The following EPS8 variants were observed in gnomAD, a reference collection of about 807,000 sequenced individuals.
The protein encoded by EPS8 is epidermal growth factor receptor kinase substrate 8.
In EPS8, 42 loss-of-function variants were observed where a neutral mutation model predicts 103.8. The ratio of observed to expected loss-of-function variants is 0.40; its 90% CI spans 0.32 to 0.52. The LOEUF is 0.52. Ranked by LOEUF, EPS8 falls within the 20% of genes least tolerant of loss-of-function variation. The pLI is 0.40. For synonymous variants in EPS8, 344 were observed against 344.6 expected, an observed-to-expected ratio of 1.00 and a Z score of 0.02; for missense variants, 969 against 1,005.1, an observed-to-expected ratio of 0.96 and a Z score of 0.49.
intron 12 of EPS8, among the ~76,000 whole-genome samples, chr12:15,655,534 A>T (rs1207165121): frequency 6.6e-6 from 1 of 152,240 alleles, no homozygotes; most frequent in African/African-American, 2.4e-5. Flanking sequence ...GAGGAAAGCT[A>T]ACTCTTATTT....
In EPS8 at chr12:15,731,368, G is replaced by A. The variant is rs1328238412; in HGVS notation, c.-21-48396C>T. ...GGCTGAAGTGCAATGGCACAATCTC[G>A]GCTCACTGCAACCTCAGCTTCCCAG... On this transcript the variant is annotated intron_variant, in intron 1 of 20. Coordinates refer to ENST00000281172, the MANE Select transcript of EPS8 (RefSeq NM_004447.6). The surrounding 1 kb of genome is among the most constrained non-coding windows in gnomAD (Gnocchi z 5.1). Among the ~76,000 whole-genome samples the A allele has an allele frequency of 6.6e-6, 1 of 151,812 alleles. No individual in the cohort carries two copies. Among genetic ancestry groups the A allele is most frequent in the Non-Finnish European group, 1.5e-5 (1 of 67,998 alleles).
intron 16 of EPS8, 121 bp from the exon 17 acceptor site, chr12:15,640,967 AG>A: frequency 5.3e-6 from 4 of 753,784 alleles, no homozygotes; most frequent in Non-Finnish European, 8.7e-6. Context: ...GCATCAACAT[AG>A]TGTTGATTGA....
At chr12:15,726,783 G>A (rs780043068) in intron 1 of EPS8, among the ~76,000 whole-genome samples, 2 of 152,182 alleles carry the variant, frequency 1.3e-5, no homozygotes, top group Admixed American at 6.5e-5. Context: ...AAGATTTACC[G>A]AGTGCCTACT....
intron 6 of EPS8, among the ~76,000 whole-genome samples, chr12:15,667,213 G>A (rs1290022618): frequency 6.6e-6 from 1 of 152,074 alleles, no homozygotes; most frequent in Non-Finnish European, 1.5e-5. Context: ...CTATGTTTGG[G>A]CCTCCCTGTT....
chr12:15,775,930 C>T (rs1169244056), intron 1 of EPS8, among the ~76,000 whole-genome samples: 1 of 152,144 alleles, frequency 6.6e-6, no homozygotes, highest in African/African-American at 2.4e-5. Context: ...AATGGGCCTG[C>T]TAATGATTTA....
chr12:15,673,816 T>C (rs1173635276), intron 3 of EPS8, among the ~76,000 whole-genome samples: 3 of 152,200 alleles, frequency 2.0e-5, no homozygotes. Context: ...TAAGACTAAG[T>C]CTATTTCCCC....
chr12:15,669,250 G>A, intron 6 of EPS8, 137 bp downstream of exon 6: 2 of 650,802 alleles, frequency 3.1e-6, no homozygotes, highest in South Asian at 4.9e-5. Context: ...AGATACTAAG[G>A]TATTTGTTTT....
chr12:15,683,812 C>T (rs1469013485), intron 1 of EPS8: 2 of 152,094 alleles, frequency 1.3e-5, no homozygotes, highest in African/African-American at 2.4e-5. Flanking sequence ...GATATTTGGT[C>T]CTCTCCGGGT....
In EPS8 at chr12:15,772,490, C is replaced by T. The variant is rs1231550208; in HGVS notation, c.-22+16671G>A. 6.6e-6 allele frequency among the ~76,000 whole-genome samples: 1 copy of T among 152,070 alleles called. No individual in the cohort carries two copies. Among genetic ancestry groups the T allele is most frequent in the Non-Finnish European group, 1.5e-5 (1 of 68,018 alleles). On this transcript the variant is annotated intron_variant, in intron 1 of 20. Transcript: ENST00000281172. This position sits in a 1 kb window ranked among gnomAD's most constrained non-coding sequence, Gnocchi z 5.0. ...GGCTAAGAAAATAATTCCAGAAAAT[C>T]CAGAAACTTTTCAACTTGTGAGTGT...
rs146029732 is a variant in EPS8 at position 15,781,537 on chromosome 12, A to C, written c.-22+7624T>G. Among the ~76,000 whole-genome samples the C allele has an allele frequency of 1.2e-4, 18 of 152,300 alleles. No individual in the cohort carries two copies. The highest frequency in any genetic ancestry group is 4.3e-4 in the African/African-American group (18 of 41,558). ...CCTTAAAGGGCTCTTGTAACAGTGAAAGAAGATAATGTATGTAACACCTGC... is the reference window on the plus strand; with the variant it reads ...CCTTAAAGGGCTCTTGTAACAGTGACAGAAGATAATGTATGTAACACCTGC... On this transcript the variant is annotated intron_variant, in intron 1 of 20. Coordinates refer to ENST00000281172, the MANE Select transcript of EPS8 (RefSeq NM_004447.6). The surrounding 1 kb of genome is among the most constrained non-coding windows in gnomAD (Gnocchi z 4.1).
intron 1 of EPS8, among the ~76,000 whole-genome samples, chr12:15,689,128 T>G (rs1946137701): frequency 6.6e-6 from 1 of 151,972 alleles, no homozygotes; most frequent in South Asian, 2.1e-4. Flanking sequence ...CTGACTGACT[T>G]ATATCCCTTT....
intron 17 of EPS8, among the ~76,000 whole-genome samples, chr12:15,638,679 C>T (rs1945178704): frequency 6.6e-6 from 1 of 152,190 alleles, no homozygotes; most frequent in African/African-American, 2.4e-5. Context: ...GCAAAACAAA[C>T]TCCTGAAACT....
rs2135919603 is a variant in EPS8, at chr12:15,693,100, G to A, written c.-21-10128C>T. On this transcript the variant is annotated intron_variant, in intron 1 of 20. Transcript: ENST00000281172. This position sits in a 1 kb window ranked among gnomAD's most constrained non-coding sequence, Gnocchi z 5.6. ...GGCAAGAAAGTCAGTGTCCATGGGTGGGGCTTGTGAACAAGTGGGCTTCAC... is the reference window on the plus strand; with the variant it reads ...GGCAAGAAAGTCAGTGTCCATGGGTAGGGCTTGTGAACAAGTGGGCTTCAC... Among the ~76,000 whole-genome samples the A allele has an allele frequency of 6.6e-6, 1 of 152,300 alleles. No homozygotes were observed. Among genetic ancestry groups the A allele is most frequent in the East Asian group, 1.9e-4 (1 of 5,184 alleles).
In EPS8 at chr12:15,723,608, G is replaced by A. The variant is rs535959900; in HGVS notation, c.-21-40636C>T. Among the ~76,000 whole-genome samples, 11 of 152,008 alleles carry A rather than the reference G, an allele frequency of 7.2e-5. No individual in the cohort carries two copies. The South Asian group carries it at 1.2e-3, about 17-fold the overall frequency. On this transcript the variant is annotated intron_variant, in intron 1 of 20. Coordinates refer to ENST00000281172, the MANE Select transcript of EPS8 (RefSeq NM_004447.6). ...TCAAGTTCTAATTTAAAAAATTAAC[G>A]TAGACCTATTCTATATCTACACTTC...
chr12:15,724,429 A>T (rs1233381067), intron 1 of EPS8, among the ~76,000 whole-genome samples: 1 of 152,126 alleles, frequency 6.6e-6, no homozygotes. Flanking sequence ...TATTTTAGAA[A>T]GACATACGAT....
chr12:15,681,123 C>A, intron 3 of EPS8, 103 bp downstream of exon 3: 1 of 462,500 alleles, frequency 2.2e-6, no homozygotes, highest in Non-Finnish European at 3.8e-6. Context: ...CTGCCTCATT[C>A]CAAACAATAT....
rs1946740801 is a variant in EPS8 at position 15,733,702 on chromosome 12, A to G, written c.-21-50730T>C. ...AAACAGAAAAACTAATGGAGATAGAAGAAATATCCATTCCATTTTACTAAG... is the reference window on the plus strand; with the variant it reads ...AAACAGAAAAACTAATGGAGATAGAGGAAATATCCATTCCATTTTACTAAG... On this transcript the variant is annotated intron_variant, in intron 1 of 20. Coordinates refer to ENST00000281172, the MANE Select transcript of EPS8 (RefSeq NM_004447.6). The surrounding 1 kb of genome is among the most constrained non-coding windows in gnomAD (Gnocchi z 4.8). Among the ~76,000 whole-genome samples, 1 of 152,214 alleles carries G rather than the reference A, an allele frequency of 6.6e-6. No individual in the cohort carries two copies. The highest frequency in any genetic ancestry group is 2.4e-5 in the African/African-American group (1 of 41,452).
intron 1 of EPS8, among the ~76,000 whole-genome samples, chr12:15,744,440 C>T (rs1272810023): frequency 6.6e-6 from 1 of 152,160 alleles, no homozygotes; most frequent in Non-Finnish European, 1.5e-5. Context: ...TGAAACTGAT[C>T]AGTAAGAATA....
chr12:15,663,944 A>AAAAAAT (rs1555112203), intron 8 of EPS8, among the ~76,000 whole-genome samples: 1 of 85,974 alleles, frequency 1.2e-5, no homozygotes, highest in African/African-American at 4.5e-5. Context: ...AAAAAAAAAA[A>AAAAAAT]AATAATATAT....
Sources: allele counts gnomAD v4.1 joint callset (sites outside exome capture counted in the v4.1 genomes callset), GRCh38; gene constraint gnomAD v4.1.1; non-coding constraint Gnocchi (gnomAD v3.1); transcripts MANE v1.5; gene names NCBI Gene and HGNC (gene_info 2026-07-23, HGNC 2026-07-21).